The following SPRING1 variants were observed in gnomAD, a reference collection of about 807,000 sequenced individuals.
SPRING1 encodes SREBP regulating gene protein.
SPRING1 carries 14 observed loss-of-function variants against 24.7 expected under a neutral mutation model. The ratio of observed to expected loss-of-function variants is 0.57; its 90% CI spans 0.37 to 0.88. The LOEUF is 0.88. Among genes scored for constraint, SPRING1 ranks in the 40% least tolerant of loss-of-function variants. SPRING1 has a pLI of 0.00. For missense variants in SPRING1, 255 were observed against 268.4 expected, an observed-to-expected ratio of 0.95 and a Z score of 0.35; for synonymous variants, 93 against 106.1, an observed-to-expected ratio of 0.88 and a Z score of 0.76.
At chr12:116,735,869 C>T (rs1402820857) in intron 1 of SPRING1, among the ~76,000 whole-genome samples, 2 of 150,960 alleles carry the variant, frequency 1.3e-5, no homozygotes, top group South Asian at 2.1e-4. Context: ...GGAGAAACCC[C>T]GTTTCTACTA....
At chr12:116,721,153 C>T (rs561222022) in intron 2 of SPRING1, among the ~76,000 whole-genome samples, 2 of 152,286 alleles carry the variant, frequency 1.3e-5, no homozygotes, top group East Asian at 3.9e-4. Context: ...TCATGGCCAA[C>T]TTTAGAGAAA....
In SPRING1 at chr12:116,738,052, G is replaced by T. The variant is rs1305742393; in HGVS notation, c.-152C>A. ...GCCCAGTCTGCTCCCGGCAGCCTTG[G>T]GCGCAGCCCCACGTGACCCCGCCCT... On this transcript the variant is annotated 5_prime_UTR_variant, in exon 1 of 5. Transcript: ENST00000261318. 2 of 1,086,452 alleles carry T rather than the reference G, an allele frequency of 1.8e-6. No homozygotes were observed. Among genetic ancestry groups the T allele is most frequent in the South Asian group, 8.8e-5 (2 of 22,638 alleles). The allele number at this position is 1,086,452 out of a possible 1,614,324, so 67.3% of individuals were successfully genotyped here.
chr12:116,727,464 A>C (rs930663778), intron 1 of SPRING1, among the ~76,000 whole-genome samples: 4 of 152,210 alleles, frequency 2.6e-5, no homozygotes, highest in African/African-American at 9.7e-5. Context: ...GGCTGTATTC[A>C]TAACTGTGCT....
intron 1 of SPRING1, among the ~76,000 whole-genome samples, chr12:116,736,714 G>C (rs1356110520): frequency 6.6e-6 from 1 of 152,106 alleles, no homozygotes; most frequent in African/African-American, 2.4e-5. Context: ...CACTCAACCT[G>C]GACTTCTAGA....
At chr12:116,737,515 G>T (rs1285998449) in intron 1 of SPRING1, among the ~76,000 whole-genome samples, 2 of 114,618 alleles carry the variant, frequency 1.7e-5, no homozygotes, top group Non-Finnish European at 3.8e-5. Flanking sequence ...GGAAGGAAAG[G>T]GGGAGGAAGG....
Position 116,737,965 on chromosome 12 carries a change from C to A in SPRING1, c.-65G>T. 7.9e-7 allele frequency: 1 copy of A among 1,262,412 alleles called. No homozygotes were observed. Among genetic ancestry groups the A allele is most frequent in the Non-Finnish European group, 1.0e-6 (1 of 999,168 alleles). 78.2% of individuals were successfully genotyped at this position (1,262,412 alleles called of 1,614,324 possible). A position where few individuals can be genotyped will look rare whatever the true frequency, so the allele number is the denominator to read the frequency against. On this transcript the variant is annotated 5_prime_UTR_variant, in exon 1 of 5. It removes an upstream start codon present in the reference 5' UTR. Transcript: ENST00000261318. The stretch of plus-strand genomic sequence containing the variant: ...CGCGGCAGGCCCGGGTCCCGGGCGG[C>A]ATGGCCCCTACGCGCCCGGCAGCCC...
In SPRING1 at chr12:116,714,821, C is replaced by G. The variant is rs1039242200; in HGVS notation, c.*2989G>C. 7.0e-6 allele frequency: 1 copy of G among 143,712 alleles called. No homozygotes were observed. Among genetic ancestry groups the G allele is most frequent in the Non-Finnish European group, 1.5e-5 (1 of 66,122 alleles). The allele number at this position is 143,712 out of a possible 1,614,324, so 8.9% of individuals were successfully genotyped here. A position where few individuals can be genotyped will look rare whatever the true frequency, so the allele number is the denominator to read the frequency against. ...AAAAAAAAAAAAAAAAAAAAAGGCTCTAGCATTGCCAGATCCCAGGCCCTG... is the reference window on the plus strand; with the variant it reads ...AAAAAAAAAAAAAAAAAAAAAGGCTGTAGCATTGCCAGATCCCAGGCCCTG... On this transcript the variant is annotated 3_prime_UTR_variant, in exon 5 of 5. Transcript: ENST00000261318.
chr12:116,722,824 A>C (rs971069627), intron 2 of SPRING1, among the ~76,000 whole-genome samples: 30 of 152,214 alleles, frequency 2.0e-4, no homozygotes, highest in African/African-American at 7.0e-4. Flanking sequence ...CACAGTGCTC[A>C]TGTTGTAAGT....
At chr12:116,733,520 T>C (rs1871094005) in intron 1 of SPRING1, among the ~76,000 whole-genome samples, 1 of 151,212 alleles carries the variant, frequency 6.6e-6, no homozygotes, top group African/African-American at 2.4e-5. Context: ...TAAAAAGTAA[T>C]AAAACAAAAT....
intron 4 of SPRING1, among the ~76,000 whole-genome samples, chr12:116,718,677 G>A (rs1057507884): frequency 6.6e-6 from 1 of 152,218 alleles, no homozygotes; most frequent in Non-Finnish European, 1.5e-5. Context: ...CTTCACTGAA[G>A]ACTGGAAATA....
intron 1 of SPRING1, among the ~76,000 whole-genome samples, chr12:116,729,783 AAGT>A (rs1870883709): frequency 6.6e-6 from 1 of 152,252 alleles, no homozygotes; most frequent in Non-Finnish European, 1.5e-5. Context: ...TATAGAAACA[AAGT>A]AGATTACTGA....
chr12:116,727,215 A>AT (rs1470573731), intron 1 of SPRING1, among the ~76,000 whole-genome samples: 1 of 152,218 alleles, frequency 6.6e-6, no homozygotes, highest in Non-Finnish European at 1.5e-5. Context: ...AAGGATGCAG[A>AT]GATGAACGGC....
At position 116,714,542 on chromosome 12, in the gene SPRING1, C is replaced by T. The variant is rs971293371; in HGVS notation, c.*3268G>A. On this transcript the variant is annotated 3_prime_UTR_variant, in exon 5 of 5. Transcript: ENST00000261318. ...GGCGCAGTGGCTCACGCCTGTAATC[C>T]CAGCACTTTCGGAGGCTCAGGCGGG... 1 of 152,348 alleles carries T rather than the reference C, an allele frequency of 6.6e-6. No individual in the cohort carries two copies. The highest frequency in any genetic ancestry group is 1.5e-5 in the Non-Finnish European group (1 of 68,176). 9.4% of individuals were successfully genotyped at this position (152,348 alleles called of 1,614,324 possible).
At position 116,713,405 on chromosome 12, in the gene SPRING1, T is replaced by G. The variant is rs1289033245; in HGVS notation, c.*4405A>C. 6.6e-6 allele frequency: 1 copy of G among 152,230 alleles called. No individual in the cohort carries two copies. The highest frequency in any genetic ancestry group is 2.4e-5 in the African/African-American group (1 of 41,462). 9.4% of individuals were successfully genotyped at this position (152,230 alleles called of 1,614,324 possible). A position where few individuals can be genotyped will look rare whatever the true frequency, so the allele number is the denominator to read the frequency against. ...TCACGAATAGGCATTTCACCATATG[T>G]ACATGATAAATGGCCAATCAAAATA... On this transcript the variant is annotated 3_prime_UTR_variant, in exon 5 of 5. Transcript: ENST00000261318.
intron 1 of SPRING1, among the ~76,000 whole-genome samples, chr12:116,734,516 T>C (rs1871138213): frequency 6.6e-6 from 1 of 152,216 alleles, no homozygotes; most frequent in African/African-American, 2.4e-5. Flanking sequence ...TATGCCAGAC[T>C]GAAAAGAAAC....
chr12:116,717,939 T>C lies in SPRING1; in HGVS notation c.535-46A>G, dbSNP rs1185637435. The C allele has an allele frequency of 7.0e-7, 1 of 1,425,198 alleles. No homozygotes were observed. The allele number at this position is 1,425,198 out of a possible 1,614,324, so 88.3% of individuals were successfully genotyped here. ...AGAGCGCAGTGAGAGCGAGCACAGC[T>C]TCACACACCTCCCTCTCGGAAGAGT... On this transcript the variant is annotated intron_variant, in intron 4 of 4. Coordinates refer to ENST00000261318, the MANE Select transcript of SPRING1 (RefSeq NM_024738.4). The surrounding 1 kb of genome is among the most constrained non-coding windows in gnomAD (Gnocchi z 4.2).
intron 1 of SPRING1, among the ~76,000 whole-genome samples, chr12:116,725,486 A>G (rs2137037582): frequency 6.6e-6 from 1 of 152,340 alleles, no homozygotes; most frequent in South Asian, 2.1e-4. Flanking sequence ...ATCTTTAATC[A>G]TTTTGGGAAT....
intron 2 of SPRING1, among the ~76,000 whole-genome samples, chr12:116,722,113 G>A (rs772318477): frequency 1.2e-4 from 19 of 152,052 alleles, no homozygotes; most frequent in South Asian, 2.1e-4. Flanking sequence ...GTGTTACCCC[G>A]GCAATATTCA....
In SPRING1 at chr12:116,715,181, GC is replaced by G. The variant is rs1287895991; in HGVS notation, c.*2628del. The G allele has an allele frequency of 1.3e-5, 2 of 152,098 alleles. No individual in the cohort carries two copies. The highest frequency in any genetic ancestry group is 2.4e-5 in the African/African-American group (1 of 41,392). The allele number at this position is 152,098 out of a possible 1,614,324, so 9.4% of individuals were successfully genotyped here. ...ACTCCTGCCTTCAGGTGATCCACCT[GC>G]CTCAGCCTTCCAAAGTGCTGGGATT... On this transcript the variant is annotated 3_prime_UTR_variant, in exon 5 of 5. Coordinates refer to ENST00000261318, the MANE Select transcript of SPRING1 (RefSeq NM_024738.4).
Sources: allele counts gnomAD v4.1 joint callset (sites outside exome capture counted in the v4.1 genomes callset), GRCh38; gene constraint gnomAD v4.1.1; non-coding constraint Gnocchi (gnomAD v3.1); transcripts MANE v1.5; gene names NCBI Gene and HGNC (gene_info 2026-07-23, HGNC 2026-07-21).